CLIP4: variants seen among roughly 807,000 people sequenced by gnomAD.
CLIP4 encodes the protein CAP-Gly domain containing linker protein family member 4, also known as CAP-Gly domain-containing linker protein 4.
A neutral mutation model predicts 73.1 loss-of-function variants in CLIP4; 47 were observed. The ratio of observed to expected loss-of-function variants is 0.64; its 90% CI spans 0.51 to 0.82. The LOEUF is 0.82. CLIP4 is among the 40% of genes least tolerant of loss of function. CLIP4 has a pLI of 0.00. For missense variants in CLIP4, 874 were observed against 852.9 expected, an observed-to-expected ratio of 1.02 and a Z score of -0.31; for synonymous variants, 306 against 295.4, an observed-to-expected ratio of 1.04 and a Z score of -0.37.
intron 1 of CLIP4, among the ~76,000 whole-genome samples, chr2:29,119,843 C>G (rs1355919196): frequency 6.6e-6 from 1 of 152,170 alleles, no homozygotes; most frequent in African/African-American, 2.4e-5. Flanking sequence ...TGCAAATGTT[C>G]CTGGTACTTA....
intron 13 of CLIP4, among the ~76,000 whole-genome samples, chr2:29,166,441 C>T (rs1667621137): frequency 6.6e-6 from 1 of 151,642 alleles, no homozygotes; most frequent in African/African-American, 2.4e-5. Context: ...TATTTAATAC[C>T]TTTCTTCTGC....
intron 15 of CLIP4, 162 bp downstream of exon 15, chr2:29,174,607 T>G (rs1362360737): frequency 3.0e-6 from 4 of 1,351,684 alleles, no homozygotes; most frequent in Non-Finnish European, 3.8e-6. Context: ...TCTTCCTCCC[T>G]CCTTTGCAAG....
chr2:29,115,467 CCGCCCGGCCGCCTGCACTGCGCGCG>C lies in CLIP4; in HGVS notation c.-208_-184del, dbSNP rs1240473465. On this transcript the variant is annotated 5_prime_UTR_variant, in exon 1 of 16. Transcript: ENST00000320081. This position sits in a 1 kb window ranked among gnomAD's most constrained non-coding sequence, Gnocchi z 5.1. ...CGGGGCCGTGGCCGAGGCCTGCGCG[CCGCCCGGCCGCCTGCACTGCGCGCG>C]CGCCCACCCCGCGTGGGAGGCAGCG... 1.3e-5 allele frequency: 2 copies of C among 148,840 alleles called. No individual in the cohort carries two copies. The highest frequency in any genetic ancestry group is 3.0e-5 in the Non-Finnish European group (2 of 66,674). The allele number at this position is 148,840 out of a possible 1,614,324, so 9.2% of individuals were successfully genotyped here. A position where few individuals can be genotyped will look rare whatever the true frequency, so the allele number is the denominator to read the frequency against.
intron 1 of CLIP4, among the ~76,000 whole-genome samples, chr2:29,101,286 TC>T (rs372203318): frequency 0.013 from 1,269 of 99,082 alleles, 15 homozygotes; most frequent in African/African-American, 0.048. Flanking sequence ...TTTTTTTTTT[TC>T]CCCCCCCCAA....
At chr2:29,158,083 C>G (rs926971505) in intron 11 of CLIP4, among the ~76,000 whole-genome samples, 1 of 152,182 alleles carries the variant, frequency 6.6e-6, no homozygotes, top group Admixed American at 6.5e-5. Context: ...AAGCTCTCAA[C>G]AATAACATTG....
In CLIP4 at chr2:29,124,069, AGTT is replaced by A. The variant is rs1664437670; in HGVS notation, c.133+2549_133+2551del. Among the ~76,000 whole-genome samples, 3 of 152,208 alleles carry A rather than the reference AGTT, an allele frequency of 2.0e-5. No individual in the cohort carries two copies. In the South Asian group the frequency reaches 6.2e-4, roughly 31 times the overall value. The stretch of plus-strand genomic sequence containing the variant: ...ATAAAAAAATCTCATTTACCCATGT[AGTT>A]ACCATTTCTAGTGCTCTTCATTCCT... On this transcript the variant is annotated intron_variant, in intron 2 of 15. Coordinates refer to ENST00000320081, the MANE Select transcript of CLIP4 (RefSeq NM_024692.6).
upstream of CLIP4, among the ~76,000 whole-genome samples, chr2:29,111,429 A>G (rs1328029179): frequency 3.9e-5 from 6 of 152,188 alleles, no homozygotes; most frequent in Non-Finnish European, 8.8e-5. Flanking sequence ...GTACGTTAGG[A>G]CTTTTCCTTC....
chr2:29,155,203 C>A (rs1338449816), intron 9 of CLIP4, among the ~76,000 whole-genome samples: 2 of 152,150 alleles, frequency 1.3e-5, no homozygotes, highest in East Asian at 3.9e-4. Flanking sequence ...GAGGCTGAGG[C>A]AGGAGGATCA....
intron 14 of CLIP4, among the ~76,000 whole-genome samples, chr2:29,173,245 T>C (rs1668126853): frequency 6.6e-6 from 1 of 152,250 alleles, no homozygotes; most frequent in African/African-American, 2.4e-5. Context: ...CAAGATAACA[T>C]GAATTTCATT....
At chr2:29,111,450 G>A (rs767397991), upstream of CLIP4, among the ~76,000 whole-genome samples, 2 of 152,152 alleles carry the variant, frequency 1.3e-5, no homozygotes, top group Non-Finnish European at 2.9e-5. Flanking sequence ...CCTGGGGAGC[G>A]GGTTTTAAAA....
chr2:29,156,221 T>C, intron 9 of CLIP4, 133 bp from the exon 10 acceptor site: 1 of 578,954 alleles, frequency 1.7e-6, no homozygotes, highest in South Asian at 2.6e-5. Flanking sequence ...CTCATATGTC[T>C]GTGCAGTTGT....
intron 13 of CLIP4, among the ~76,000 whole-genome samples, chr2:29,165,050 A>G (rs759267975): frequency 1.3e-5 from 2 of 152,184 alleles, no homozygotes; most frequent in Non-Finnish European, 2.9e-5. Flanking sequence ...CTTTAGATGC[A>G]TACCTCATTA....
intron 9 of CLIP4, among the ~76,000 whole-genome samples, chr2:29,155,405 TACACAC>T (rs10602734): frequency 1.3e-5 from 2 of 151,008 alleles, no homozygotes; most frequent in Non-Finnish European, 3.0e-5. Flanking sequence ...CCCAAGTGTA[TACACAC>T]ACACACACAC....
At chr2:29,103,114 C>G (rs546202725) in intron 1 of CLIP4, among the ~76,000 whole-genome samples, 1 of 152,246 alleles carries the variant, frequency 6.6e-6, no homozygotes, top group Admixed American at 6.5e-5. Flanking sequence ...TCCTCCTTCT[C>G]CCTCCAAAGA....
At chr2:29,154,421 G>A (rs953323654) in intron 9 of CLIP4, among the ~76,000 whole-genome samples, 5 of 152,238 alleles carry the variant, frequency 3.3e-5, no homozygotes, top group Admixed American at 6.5e-5. Flanking sequence ...GCAGGCACCC[G>A]AAACCCCAAG....
intron 14 of CLIP4, among the ~76,000 whole-genome samples, chr2:29,168,248 A>G (rs1427296667): frequency 6.6e-6 from 1 of 152,154 alleles, no homozygotes; most frequent in Non-Finnish European, 1.5e-5. Context: ...TTTCATGCTT[A>G]TGGGCCATAT....
intron 15 of CLIP4, among the ~76,000 whole-genome samples, chr2:29,177,263 G>A (rs1668397149): frequency 6.6e-6 from 1 of 152,042 alleles, no homozygotes; most frequent in Non-Finnish European, 1.5e-5. Flanking sequence ...CAAAAAATTA[G>A]CCAGGTGTGG....
At chr2:29,160,797 TTAAAA>T (rs1174674964) in intron 12 of CLIP4, among the ~76,000 whole-genome samples, 2 of 152,214 alleles carry the variant, frequency 1.3e-5, no homozygotes, top group Admixed American at 6.5e-5. Context: ...CGGATAATCT[TTAAAA>T]TAAGTAGTAA....
chr2:29,169,270 C>G (rs1667840694), intron 14 of CLIP4, among the ~76,000 whole-genome samples: 1 of 151,446 alleles, frequency 6.6e-6, no homozygotes, highest in Non-Finnish European at 1.5e-5. Flanking sequence ...ATTCTAAGGC[C>G]TTTCTCTATG....
Sources: allele counts gnomAD v4.1 joint callset (sites outside exome capture counted in the v4.1 genomes callset), GRCh38; gene constraint gnomAD v4.1.1; non-coding constraint Gnocchi (gnomAD v3.1); transcripts MANE v1.5; gene names NCBI Gene and HGNC (gene_info 2026-07-23, HGNC 2026-07-21).